RAD17: variants seen among roughly 807,000 people sequenced by gnomAD.
RAD17 encodes RAD17 checkpoint clamp loader component.
RAD17 carries 31 observed loss-of-function variants against 81.5 expected under a neutral mutation model. The observed-to-expected ratio is 0.38, with a 90% confidence interval of 0.29 to 0.51. The LOEUF (loss-of-function observed/expected upper bound fraction) is 0.51. Ranked by LOEUF, RAD17 falls within the 20% of genes least tolerant of loss-of-function variation. RAD17 has a pLI of 0.88. For missense variants in RAD17, 681 were observed against 781.2 expected (o/e 0.87, Z 1.53); for synonymous variants, 261 against 266.2 (o/e 0.98, Z 0.19).
chr5:69,391,890 T>G lies in RAD17; in HGVS notation c.1066T>G (p.Ser356Ala). Reference protein sequence around the residue: ...GMSLKSDAVLSKSKRRKKPDR... With the variant: ...GMSLKSDAVLAKSKRRKKPDR... ...GTCTTTAAAATCAGATGCTGTGCTG[T>G]CAAAATCAAAACGAAGAAAAAAACC... The change falls in exon 13 of 19, where the codon TCA (serine) becomes GCA (alanine). Residue 356 changes from serine (S) to alanine (A), a missense_variant. Physicochemically the swap from Ser to Ala is moderately conservative, Grantham distance 99. Transcript: ENST00000354868. The G allele has an allele frequency of 6.3e-7, 1 of 1,595,216 alleles. No individual in the cohort carries two copies.
At chr5:69,384,127 C>T (rs1369339577) in intron 7 of RAD17, 2 of 151,398 alleles carry the variant, frequency 1.3e-5, no homozygotes, top group African/African-American at 2.4e-5. Context: ...GATTGCGCCA[C>T]TGCACTCCAG....
At chr5:69,409,011 C>T (rs950523657) in intron 17 of RAD17, among the ~76,000 whole-genome samples, 1 of 152,114 alleles carries the variant, frequency 6.6e-6, no homozygotes, top group African/African-American at 2.4e-5. Flanking sequence ...TTAGCTTGTT[C>T]TTATTTAAGA....
chr5:69,384,577 A>G (rs1232722501), intron 7 of RAD17, among the ~76,000 whole-genome samples: 1 of 152,104 alleles, frequency 6.6e-6, no homozygotes, highest in Non-Finnish European at 1.5e-5. Flanking sequence ...CGGCCTCCCA[A>G]AGTGCTGGGA....
intron 11 of RAD17, among the ~76,000 whole-genome samples, chr5:69,387,056 C>T (rs776357621): frequency 1.3e-5 from 2 of 151,762 alleles, no homozygotes; most frequent in Non-Finnish European, 1.5e-5. Context: ...TCCCAAGCAG[C>T]TGGGACTACA....
At chr5:69,378,125 G>T (rs1668419725) in intron 6 of RAD17, among the ~76,000 whole-genome samples, 1 of 152,078 alleles carries the variant, frequency 6.6e-6, no homozygotes, top group African/African-American at 2.4e-5. Flanking sequence ...TTATTTTACA[G>T]AAGTTTCAGG....
chr5:69,403,130 C>T (rs1765377590), intron 17 of RAD17, among the ~76,000 whole-genome samples: 1 of 152,208 alleles, frequency 6.6e-6, no homozygotes, highest in African/African-American at 2.4e-5. Flanking sequence ...CAGGCCACTG[C>T]ACCCAGCCCT....
rs767869820 is a variant in RAD17 at position 69,374,661 on chromosome 5, G to C, written c.301G>C (p.Glu101Gln). Residue 101 changes from glutamate (E) to glutamine (Q), a missense_variant, in exon 6 of 19, where the codon GAA becomes CAA. Coordinates refer to ENST00000354868, the MANE Select transcript of RAD17 (RefSeq NM_133338.3). ...TGCTGTGCATAAAAAGAAAATTGAA[G>C]AAGTCGAAACCTGGTTAAAAGCTCA... is the stretch of plus-strand genomic sequence containing the variant. The part of the protein sequence containing the change: ...ELAVHKKKIE[E>Q]VETWLKAQVL... The C allele has an allele frequency of 8.7e-6, 14 of 1,611,012 alleles. No homozygotes were observed. The highest frequency in any genetic ancestry group is 1.7e-4 in the Middle Eastern group (1 of 6,046).
intron 17 of RAD17, among the ~76,000 whole-genome samples, chr5:69,408,974 G>A (rs1765802442): frequency 6.6e-6 from 1 of 152,126 alleles, no homozygotes; most frequent in African/African-American, 2.4e-5. Flanking sequence ...TCTTTCCCTG[G>A]TTTCTTATGA....
chr5:69,414,602 CA>C lies in RAD17; in HGVS notation c.*315del. On this transcript the variant is annotated 3_prime_UTR_variant, in exon 19 of 19. Transcript: ENST00000354868. ...AGATGTGAAGGACTAATTCAGGATG[CA>C]AAAACGTTATTGGGGGGTTGTAAAT... The C allele has an allele frequency of 2.5e-6, 1 of 393,392 alleles. No individual in the cohort carries two copies. The highest frequency in any genetic ancestry group is 2.0e-5 in the African/African-American group (1 of 49,168). 24.4% of individuals were successfully genotyped at this position (393,392 alleles called of 1,614,324 possible).
intron 15 of RAD17, among the ~76,000 whole-genome samples, chr5:69,396,146 A>G (rs575625889): frequency 6.6e-6 from 1 of 152,324 alleles, no homozygotes; most frequent in East Asian, 1.9e-4. Context: ...TGCCTCAAAA[A>G]TGTATTCAAA....
At chr5:69,409,718 A>G (rs1261699951) in intron 17 of RAD17, among the ~76,000 whole-genome samples, 3 of 152,174 alleles carry the variant, frequency 2.0e-5, no homozygotes, top group Non-Finnish European at 4.4e-5. Flanking sequence ...CATCTTAACC[A>G]TTTTGAATTC....
intron 6 of RAD17, among the ~76,000 whole-genome samples, chr5:69,380,731 G>A (rs1763802917): frequency 6.7e-6 from 1 of 149,732 alleles, no homozygotes; most frequent in South Asian, 2.1e-4. Context: ...CTAGTCTCTC[G>A]TTAGAGTCCT....
At chr5:69,408,235 A>G (rs1046668395) in intron 17 of RAD17, among the ~76,000 whole-genome samples, 1 of 151,708 alleles carries the variant, frequency 6.6e-6, no homozygotes, top group African/African-American at 2.4e-5. Flanking sequence ...TATTGTAGCA[A>G]TTTTGGAGAA....
Position 69,395,065 on chromosome 5 carries a change from A to G in RAD17, c.1423-1332A>G, listed in dbSNP as rs80330427. Among the ~76,000 whole-genome samples the G allele has an allele frequency of 1.3e-3, 205 of 152,370 alleles. 3 individuals carry two copies. In the East Asian group the frequency reaches 0.037, roughly 27 times the overall value. On this transcript the variant is annotated intron_variant, in intron 15 of 18. Coordinates refer to ENST00000354868, the MANE Select transcript of RAD17 (RefSeq NM_133338.3). ...GGACCTTGTCTCAAAAAATTAAAAA[A>G]TTGAAATAGCAGTAATAAGTAAAAT...
At chr5:69,386,815 T>C (rs1764241297) in intron 11 of RAD17, among the ~76,000 whole-genome samples, 1 of 152,202 alleles carries the variant, frequency 6.6e-6, no homozygotes, top group East Asian at 1.9e-4. Flanking sequence ...TTTTCACATT[T>C]TTTTTAATTA....
chr5:69,395,175 C>G (rs1412823795), intron 15 of RAD17, among the ~76,000 whole-genome samples: 3 of 152,152 alleles, frequency 2.0e-5, no homozygotes, highest in Non-Finnish European at 4.4e-5. Flanking sequence ...ATAATTGTTT[C>G]TTTCTTATTT....
At chr5:69,385,214 C>T (rs1764126069) in intron 8 of RAD17, among the ~76,000 whole-genome samples, 1 of 151,506 alleles carries the variant, frequency 6.6e-6, no homozygotes, top group South Asian at 2.1e-4. Flanking sequence ...CCCACCGTGG[C>T]CTCCCAAAGT....
In RAD17 at chr5:69,407,562, G is replaced by GTTTTTTTT. The variant is rs550222595; in HGVS notation, c.1694-2907_1694-2900dup. Reference sequence around the variant, plus strand: ...CTTCTATATGTCAATCTATGTCCAAGTTTTTTTTTTTTTTTTTTTTTTTTT... The same window carrying GTTTTTTTT: ...CTTCTATATGTCAATCTATGTCCAAGTTTTTTTTTTTTTTTTTTTTTTTTTTTTTTTTT... On this transcript the variant is annotated intron_variant, in intron 17 of 18. Transcript: ENST00000354868. Among the ~76,000 whole-genome samples the GTTTTTTTT allele has an allele frequency of 8.1e-4, 33 of 40,922 alleles. 12 individuals are homozygous for GTTTTTTTT. Among genetic ancestry groups the GTTTTTTTT allele is most frequent in the East Asian group, 2.0e-3 (2 of 986 alleles). The allele number at this position is 40,922 out of a possible 152,430, so 26.8% of individuals were successfully genotyped here. A position where few individuals can be genotyped will look rare whatever the true frequency, so the allele number is the denominator to read the frequency against.
rs1762817402 is a variant in RAD17 at position 69,369,878 on chromosome 5, G to T, written c.-472G>T. 4.8e-6 allele frequency: 3 copies of T among 631,388 alleles called. No homozygotes were observed. Among genetic ancestry groups the T allele is most frequent in the East Asian group, 2.9e-5 (1 of 34,582 alleles). 39.1% of individuals were successfully genotyped at this position (631,388 alleles called of 1,614,324 possible). A position where few individuals can be genotyped will look rare whatever the true frequency, so the allele number is the denominator to read the frequency against. On this transcript the variant is annotated 5_prime_UTR_variant, in exon 1 of 19. In the 5' UTR this introduces an upstream ATG that the reference lacks. Coordinates refer to ENST00000354868, the MANE Select transcript of RAD17 (RefSeq NM_133338.3). ...GGCCAGGTGGCTGCCCTTTCACCTA[G>T]GGTAGTCCCTGGTCGCCTCCGCTCT...
Sources: allele counts gnomAD v4.1 joint callset (sites outside exome capture counted in the v4.1 genomes callset), GRCh38; gene constraint gnomAD v4.1.1; transcripts MANE v1.5; gene names NCBI Gene and HGNC (gene_info 2026-07-23, HGNC 2026-07-21).